RAB40B: variants seen among roughly 807,000 people sequenced by gnomAD.
RAB40B encodes the protein RAB40B, member RAS oncogene family.
In RAB40B, 21 loss-of-function variants were observed where a neutral mutation model predicts 24.0. The observed-to-expected ratio is 0.88, with a 90% CI of 0.62 to 1.26. The LOEUF is 1.26. Ranked by LOEUF, RAB40B falls within the 50% of genes most tolerant of loss-of-function variation. RAB40B has a pLI of 0.00. For synonymous variants in RAB40B, 167 were observed against 169.8 expected (o/e 0.98, Z 0.13); for missense variants, 348 against 390.5 (o/e 0.89, Z 0.92).
chr17:82,683,230 A>G (rs2046463114), intron 1 of RAB40B, among the ~76,000 whole-genome samples: 1 of 152,222 alleles, frequency 6.6e-6, no homozygotes, highest in Admixed American at 6.5e-5. Flanking sequence ...AATTTCTAGA[A>G]GAAAATCTTT....
intron 1 of RAB40B, among the ~76,000 whole-genome samples, chr17:82,671,753 C>A (rs1283173242): frequency 3.3e-4 from 9 of 27,104 alleles, no homozygotes; most frequent in African/African-American, 9.4e-4. Context: ...CTCTAACACA[C>A]ACTCACATGC....
At position 82,657,774 on chromosome 17, in the gene RAB40B, A is replaced by C; in HGVS notation, c.*89T>G. ...TCGCAAGCAGCATTCGCCGAGAGGA[A>C]CCGGGATCTGAGATGCATCCACCAG... On this transcript the variant is annotated 3_prime_UTR_variant, in exon 6 of 6. Coordinates refer to ENST00000571995, the MANE Select transcript of RAB40B (RefSeq NM_006822.3). The C allele has an allele frequency of 3.4e-5, 47 of 1,397,462 alleles. No individual in the cohort carries two copies. The highest frequency in any genetic ancestry group is 7.0e-5 in the East Asian group (3 of 43,068). 86.6% of individuals were successfully genotyped at this position (1,397,462 alleles called of 1,614,324 possible). A position where few individuals can be genotyped will look rare whatever the true frequency, so the allele number is the denominator to read the frequency against.
At chr17:82,659,333 G>A (rs749933432) in intron 4 of RAB40B, 7 of 515,840 alleles carry the variant, frequency 1.4e-5, no homozygotes, top group South Asian at 4.5e-5. Context: ...ACGCATAGCC[G>A]AGGTACGCCG....
chr17:82,678,026 AGC>A (rs2046411777), intron 1 of RAB40B, among the ~76,000 whole-genome samples: 1 of 152,194 alleles, frequency 6.6e-6, no homozygotes, highest in Admixed American at 6.5e-5. Context: ...ATCCTTTCAT[AGC>A]TATGTTCAAA....
chr17:82,662,073 G>A, intron 2 of RAB40B: 1 of 985,398 alleles, frequency 1.0e-6, no homozygotes, highest in Non-Finnish European at 1.2e-6. Context: ...CCGCACACGA[G>A]ACACAACCTC....
intron 4 of RAB40B, chr17:82,659,074 C>T (rs773243922): frequency 5.8e-5 from 16 of 277,422 alleles, no homozygotes; most frequent in African/African-American, 8.7e-5. Context: ...AGTGGCCCTG[C>T]CGACACCTTG....
chr17:82,679,169 C>A (rs896249917), intron 1 of RAB40B, among the ~76,000 whole-genome samples: 1 of 151,558 alleles, frequency 6.6e-6, no homozygotes, highest in Non-Finnish European at 1.5e-5. Flanking sequence ...AGGCGTGAAC[C>A]ACTGAGCAGC....
intron 5 of RAB40B, 120 bp downstream of exon 5, chr17:82,658,371 G>A: frequency 2.4e-6 from 3 of 1,229,434 alleles, no homozygotes; most frequent in Non-Finnish European, 3.4e-6. Context: ...GCCTTGCTCT[G>A]AGAACGGACA....
chr17:82,664,009 G>A (rs2046212270), intron 2 of RAB40B, among the ~76,000 whole-genome samples: 1 of 148,682 alleles, frequency 6.7e-6, no homozygotes, highest in African/African-American at 2.5e-5. Flanking sequence ...TGTTCCCGGG[G>A]GCGCTGTGCC....
rs751546246 is a variant in RAB40B at position 82,664,465 on chromosome 17, TGCGGGACGCTC to T, written c.203+20_203+30del. The T allele has an allele frequency of 2.0e-4, 320 of 1,607,942 alleles. No individual in the cohort carries two copies. Among genetic ancestry groups the T allele is most frequent in the Non-Finnish European group, 1.5e-4 (172 of 1,177,140 alleles). ...AGCCAGGGGGGTTACTCCCTGGGGG[TGCGGGACGCTC>T]GCACCTCCTCCAGACTCACCAGAGC... On this transcript the variant is annotated intron_variant, in intron 2 of 5. Transcript: ENST00000571995.
At chr17:82,695,294 C>A (rs539207015) in intron 1 of RAB40B, among the ~76,000 whole-genome samples, 6 of 150,966 alleles carry the variant, frequency 4.0e-5, no homozygotes, top group Admixed American at 2.0e-4. Flanking sequence ...TGGGTTCCAG[C>A]GATTCTCCTG....
chr17:82,694,370 A>C (rs1013919560), intron 1 of RAB40B, among the ~76,000 whole-genome samples: 1 of 151,570 alleles, frequency 6.6e-6, no homozygotes, highest in African/African-American at 2.4e-5. Flanking sequence ...TCTACTAAAA[A>C]TACAAAAACA....
At position 82,659,603 on chromosome 17, in the gene RAB40B, G is replaced by A. The variant is rs753016754; in HGVS notation, c.319C>T (p.Arg107Ter). 12 of 1,614,080 alleles carry A rather than the reference G, an allele frequency of 7.4e-6. No individual in the cohort carries two copies. The highest frequency in any genetic ancestry group is 4.5e-5 in the East Asian group (2 of 44,874). ...ACCTCATCGATCTCCTTAATCCATCGATCAATGCCGTCAAAAGACCAGCGG... is the reference window on the plus strand; with the variant it reads ...ACCTCATCGATCTCCTTAATCCATCAATCAATGCCGTCAAAAGACCAGCGG... ...ANRWSFDGID[R>*]WIKEIDEHAP... is the part of the protein sequence containing the mutation. Residue 107 changes from arginine to a stop codon, truncating the protein, a stop_gained, in exon 4 of 6, where the codon CGA becomes TGA. Transcript: ENST00000571995. LOFTEE classifies it high-confidence loss of function.
Position 82,666,983 on chromosome 17 carries a change from C to T in RAB40B, c.143-2427G>A, listed in dbSNP as rs563536176. Among the ~76,000 whole-genome samples the T allele has an allele frequency of 4.3e-4, 65 of 152,320 alleles. No homozygotes were observed. In the South Asian group the frequency reaches 5.0e-3, roughly 12 times the overall value. Reference sequence around the variant, plus strand: ...ATCAGAATTCTAAAGGGAAGCGCGCCGCTGAGAGGCCGAGGGGAGAAGCAG... The same window carrying T: ...ATCAGAATTCTAAAGGGAAGCGCGCTGCTGAGAGGCCGAGGGGAGAAGCAG... On this transcript the variant is annotated intron_variant, in intron 1 of 5. Transcript: ENST00000571995.
chr17:82,679,807 C>G (rs1375554042), intron 1 of RAB40B, among the ~76,000 whole-genome samples: 1 of 31,004 alleles, frequency 3.2e-5, no homozygotes, highest in Non-Finnish European at 7.1e-5. Flanking sequence ...GCTGTCACCA[C>G]CACAGGACAC....
intron 4 of RAB40B, chr17:82,659,362 G>A: frequency 1.8e-6 from 1 of 566,796 alleles, no homozygotes; most frequent in Non-Finnish European, 3.1e-6. Flanking sequence ...CGTTTCGTCT[G>A]GACCAGCTTC....
Position 82,657,605 on chromosome 17 carries a change from T to C in RAB40B, c.*258A>G, listed in dbSNP as rs1276787598. 1 of 591,814 alleles carries C rather than the reference T, an allele frequency of 1.7e-6. No homozygotes were observed. Among genetic ancestry groups the C allele is most frequent in the African/African-American group, 1.8e-5 (1 of 54,306 alleles). 36.7% of individuals were successfully genotyped at this position (591,814 alleles called of 1,614,324 possible). A position where few individuals can be genotyped will look rare whatever the true frequency, so the allele number is the denominator to read the frequency against. On this transcript the variant is annotated 3_prime_UTR_variant, in exon 6 of 6. Coordinates refer to ENST00000571995, the MANE Select transcript of RAB40B (RefSeq NM_006822.3). ...AATCATGATAAAGTAACATTCAGAA[T>C]TTCATGTTACCAAGAGTCGAGCAGA...
At chr17:82,664,196 A>G (rs1289299415) in intron 2 of RAB40B, among the ~76,000 whole-genome samples, 2 of 39,462 alleles carry the variant, frequency 5.1e-5, no homozygotes, top group Non-Finnish European at 9.1e-5. Flanking sequence ...TGGTGGGGGA[A>G]GGGTGCTCCC....
Position 82,673,076 on chromosome 17 carries a change from C to T in RAB40B, c.143-8520G>A, listed in dbSNP as rs1000207602. ...AAAACTAGCCAGGCATGGTGGTGGG[C>T]GCCTGTAGTCCCAGATACTTGGGAG... On this transcript the variant is annotated intron_variant, in intron 1 of 5. Coordinates refer to ENST00000571995, the MANE Select transcript of RAB40B (RefSeq NM_006822.3). Among the ~76,000 whole-genome samples the T allele has an allele frequency of 1.1e-4, 16 of 152,188 alleles. No homozygotes were observed. In the East Asian group the frequency reaches 1.2e-3, roughly 11 times the overall value.
Sources: allele counts gnomAD v4.1 joint callset (sites outside exome capture counted in the v4.1 genomes callset), GRCh38; gene constraint gnomAD v4.1.1; transcripts MANE v1.5; gene names NCBI Gene and HGNC (gene_info 2026-07-23, HGNC 2026-07-21).